BMPER: variants seen among roughly 807,000 people sequenced by gnomAD.
BMPER encodes the protein BMP-binding endothelial regulator protein.
In BMPER, 45 loss-of-function variants were observed where a neutral mutation model predicts 87.3. That is an observed-to-expected ratio of 0.52 (90% CI 0.41 to 0.66). The LOEUF (loss-of-function observed/expected upper bound fraction) is 0.66, where lower values mean the gene tolerates loss of function less well. Among genes scored for constraint, BMPER ranks in the 30% least tolerant of loss-of-function variants. The pLI, the probability that BMPER is intolerant of heterozygous loss-of-function variation, is 0.00. For missense variants in BMPER, 784 were observed against 867.5 expected (o/e 0.90, Z 1.21); for synonymous variants, 326 against 316.2 (o/e 1.03, Z -0.33).
chr7:34,020,558 C>T (rs1294236478), intron 6 of BMPER, among the ~76,000 whole-genome samples: 1 of 151,972 alleles, frequency 6.6e-6, no homozygotes, highest in Non-Finnish European at 1.5e-5. Context: ...CTGGGTACAT[C>T]ATGGGAATCT....
chr7:34,141,232 G>GATAGT (rs1790858500), intron 13 of BMPER, among the ~76,000 whole-genome samples: 1 of 55,480 alleles, frequency 1.8e-5, no homozygotes, highest in Non-Finnish European at 4.3e-5. Context: ...CCAGTGTAAA[G>GATAGT]ACTGTGTTTA....
chr7:33,944,294 T>C (rs1004793421), intron 3 of BMPER, among the ~76,000 whole-genome samples: 1 of 152,054 alleles, frequency 6.6e-6, no homozygotes, highest in Non-Finnish European at 1.5e-5. Flanking sequence ...GCCTCCCAAG[T>C]AGCTGGGATT....
chr7:34,140,254 G>C (rs1171398269), intron 13 of BMPER, among the ~76,000 whole-genome samples: 3 of 152,192 alleles, frequency 2.0e-5, no homozygotes, highest in Non-Finnish European at 4.4e-5. Flanking sequence ...CTGTGTAAAA[G>C]CTGGCAGTTT....
chr7:34,155,686 A>G lies in BMPER; in HGVS notation c.*2413A>G, dbSNP rs993758956. On this transcript the variant is annotated 3_prime_UTR_variant, in exon 15 of 15. Transcript: ENST00000649409. Reference sequence around the variant, plus strand: ...AATCAGCTGAATGGTTGGCCTGCATATTCTTTTTTAGGCCACAGGCTACAG... The same window carrying G: ...AATCAGCTGAATGGTTGGCCTGCATGTTCTTTTTTAGGCCACAGGCTACAG... 5.9e-5 allele frequency: 9 copies of G among 152,182 alleles called. No homozygotes were observed. Among genetic ancestry groups the G allele is most frequent in the Non-Finnish European group, 1.3e-4 (9 of 68,024 alleles). The allele number at this position is 152,182 out of a possible 1,614,324, so 9.4% of individuals were successfully genotyped here. A position where few individuals can be genotyped will look rare whatever the true frequency, so the allele number is the denominator to read the frequency against.
At chr7:34,087,852 G>A (rs1238570886) in intron 13 of BMPER, among the ~76,000 whole-genome samples, 1 of 152,202 alleles carries the variant, frequency 6.6e-6, no homozygotes, top group Admixed American at 6.5e-5. Flanking sequence ...TGGAGAGAAG[G>A]TCTGAAGAGA....
At chr7:34,106,834 A>ATACT (rs1301978211) in intron 13 of BMPER, among the ~76,000 whole-genome samples, 1 of 152,244 alleles carries the variant, frequency 6.6e-6, no homozygotes. Flanking sequence ...GGCTTTGAGT[A>ATACT]TAATGTCCTC....
intron 6 of BMPER, among the ~76,000 whole-genome samples, chr7:34,043,723 T>A (rs745987794): frequency 6.6e-6 from 1 of 152,072 alleles, no homozygotes; most frequent in Non-Finnish European, 1.5e-5. Flanking sequence ...CTTAAACAAA[T>A]GTTTAATAAA....
Position 34,086,102 on chromosome 7 carries a change from G to C in BMPER, c.1745+10G>C, listed in dbSNP as rs780676967. The C allele has an allele frequency of 6.2e-7, 1 of 1,612,832 alleles. No homozygotes were observed. Among genetic ancestry groups the C allele is most frequent in the African/African-American group, 1.3e-5 (1 of 74,876 alleles). On this transcript the variant is annotated intron_variant, in intron 13 of 14. Transcript: ENST00000649409. ...ACGCCACTTTCTACCGGTAAGTACAGTGTTCTGGGGAATGGTTTTGGGTTG... is the reference window on the plus strand; with the variant it reads ...ACGCCACTTTCTACCGGTAAGTACACTGTTCTGGGGAATGGTTTTGGGTTG...
At chr7:34,094,750 AG>A (rs991855252) in intron 13 of BMPER, among the ~76,000 whole-genome samples, 15 of 152,132 alleles carry the variant, frequency 9.9e-5, no homozygotes, top group Non-Finnish European at 2.1e-4. Context: ...CATTGCTATG[AG>A]GGTTTGTGTG....
At chr7:33,919,522 T>C (rs957869089) in intron 2 of BMPER, among the ~76,000 whole-genome samples, 2 of 152,110 alleles carry the variant, frequency 1.3e-5, no homozygotes, top group South Asian at 2.1e-4. Flanking sequence ...CTGAGGGTGG[T>C]GGGACAGTGG....
chr7:33,934,079 C>CA (rs1784544705), intron 2 of BMPER, among the ~76,000 whole-genome samples: 1 of 152,184 alleles, frequency 6.6e-6, no homozygotes, highest in African/African-American at 2.4e-5. Context: ...AGTGGTGACA[C>CA]ATAGTGCATG....
chr7:34,124,636 A>T (rs1189492378), intron 13 of BMPER, among the ~76,000 whole-genome samples: 1 of 152,152 alleles, frequency 6.6e-6, no homozygotes, highest in Non-Finnish European at 1.5e-5. Flanking sequence ...TTTACTTTCT[A>T]CAATCTATGC....
intron 14 of BMPER, among the ~76,000 whole-genome samples, chr7:34,151,993 A>G (rs1791187687): frequency 6.6e-6 from 1 of 152,198 alleles, no homozygotes; most frequent in African/African-American, 2.4e-5. Flanking sequence ...ACTTTCTTTT[A>G]CTTAAATATG....
intron 2 of BMPER, among the ~76,000 whole-genome samples, chr7:33,928,110 G>C (rs1210333352): frequency 6.6e-6 from 1 of 152,084 alleles, no homozygotes; most frequent in Non-Finnish European, 1.5e-5. Context: ...CTGCCGCACC[G>C]ACCCCATCCC....
At chr7:33,928,422 A>G (rs1406902396) in intron 2 of BMPER, among the ~76,000 whole-genome samples, 1 of 151,860 alleles carries the variant, frequency 6.6e-6, no homozygotes, top group Non-Finnish European at 1.5e-5. Context: ...CTAATAAAAA[A>G]CAGGCAGTGC....
chr7:33,946,303 A>G (rs1784893769), intron 3 of BMPER, among the ~76,000 whole-genome samples: 1 of 152,184 alleles, frequency 6.6e-6, no homozygotes, highest in African/African-American at 2.4e-5. Context: ...TATGGGCATT[A>G]CAATTCAAGA....
At chr7:34,127,281 A>G (rs536810439) in intron 13 of BMPER, among the ~76,000 whole-genome samples, 8 of 152,218 alleles carry the variant, frequency 5.3e-5, no homozygotes, top group Non-Finnish European at 1.0e-4. Flanking sequence ...GTACAATAGG[A>G]ACACTCTGGC....
At chr7:33,936,691 A>G (rs1041100124) in intron 2 of BMPER, among the ~76,000 whole-genome samples, 19 of 152,224 alleles carry the variant, frequency 1.2e-4, no homozygotes, top group African/African-American at 4.6e-4. Flanking sequence ...GTTCATTAGC[A>G]TAAGTGCTAA....
intron 13 of BMPER, among the ~76,000 whole-genome samples, chr7:34,128,836 C>T (rs182812782): frequency 1.2e-4 from 19 of 152,086 alleles, no homozygotes; most frequent in Non-Finnish European, 2.2e-4. Flanking sequence ...AAAAAGCTAC[C>T]GAGCTCCTAT....
Sources: allele counts gnomAD v4.1 joint callset (sites outside exome capture counted in the v4.1 genomes callset), GRCh38; gene constraint gnomAD v4.1.1; transcripts MANE v1.5; gene names NCBI Gene and HGNC (gene_info 2026-07-23, HGNC 2026-07-21).